Variants in NPAS3 observed in about 807,000 individuals in gnomAD.
The protein encoded by NPAS3 is neuronal PAS domain protein 3.
A neutral mutation model predicts 73.1 loss-of-function variants in NPAS3; 14 were observed. The ratio of observed to expected loss-of-function variants is 0.19; its 90% CI spans 0.13 to 0.30. The LOEUF is 0.30. Ranked by LOEUF, NPAS3 falls within the 10% of genes least tolerant of loss-of-function variation. NPAS3 has a pLI of 1.00. For missense variants in NPAS3, 1,096 were observed against 1,250.0 expected, an observed-to-expected ratio of 0.88 and a Z score of 1.86; for synonymous variants, 620 against 541.5, an observed-to-expected ratio of 1.14 and a Z score of -2.01.
At chr14:33,501,657 G>A (rs933237016) in intron 4 of NPAS3, among the ~76,000 whole-genome samples, 4 of 149,232 alleles carry the variant, frequency 2.7e-5, no homozygotes, top group Admixed American at 6.7e-5. Flanking sequence ...CTTCAAAAAC[G>A]GCTCCTGTGT....
At chr14:33,572,665 A>G (rs1054161634) in intron 5 of NPAS3, among the ~76,000 whole-genome samples, 4 of 152,188 alleles carry the variant, frequency 2.6e-5, no homozygotes, top group Non-Finnish European at 5.9e-5. Flanking sequence ...ATGTCAAATT[A>G]TTCGTTTTAT....
intron 2 of NPAS3, among the ~76,000 whole-genome samples, chr14:33,197,267 G>GTGTGTGTGTGTGTGTGTGT (rs1555353807): frequency 1.3e-5 from 2 of 148,722 alleles, no homozygotes; most frequent in South Asian, 2.1e-4. Flanking sequence ...GTGTGTGTGT[G>GTGTGTGTGTGTGTGTGTGT]TTCTTTTTCA....
intron 2 of NPAS3, among the ~76,000 whole-genome samples, chr14:33,199,322 T>G (rs1284650621): frequency 6.6e-6 from 1 of 152,226 alleles, no homozygotes; most frequent in Non-Finnish European, 1.5e-5. Flanking sequence ...TTTGAAAAAT[T>G]TCTGATTACG....
intron 2 of NPAS3, among the ~76,000 whole-genome samples, chr14:33,127,279 G>T (rs568413922): frequency 6.6e-6 from 1 of 152,154 alleles, no homozygotes; most frequent in South Asian, 2.1e-4. Context: ...TTCTTATCTA[G>T]TGAAGGACCT....
rs576469945 is a variant in NPAS3, at chr14:33,016,550, G to C, written c.51-39355G>C. On this transcript the variant is annotated intron_variant, in intron 1 of 11. Transcript: ENST00000356141. ...TAAGCATCACACACCAGTTTTCAGAGTACACATGTAAAATATAGAACCATG... is the reference window on the plus strand; with the variant it reads ...TAAGCATCACACACCAGTTTTCAGACTACACATGTAAAATATAGAACCATG... Among the ~76,000 whole-genome samples the C allele has an allele frequency of 9.6e-5, 14 of 146,076 alleles. No individual in the cohort carries two copies. The South Asian group carries it at 3.2e-3, about 33-fold the overall frequency.
At chr14:33,394,429 T>C (rs551739569) in intron 4 of NPAS3, among the ~76,000 whole-genome samples, 1 of 152,344 alleles carries the variant, frequency 6.6e-6, no homozygotes, top group South Asian at 2.1e-4. Flanking sequence ...AGGTAAAATA[T>C]AGTGCTTAGC....
At chr14:33,774,362 G>A (rs547518674) in exon 8 of NPAS3, 25 of 1,613,956 alleles carry the variant, frequency 1.5e-5, no homozygotes, top group African/African-American at 1.5e-4. Flanking sequence ...GGCCGGCTAC[G>A]CCTGAGAGTG....
chr14:32,939,295 G>C (rs2035862026), upstream of NPAS3: 1 of 713,550 alleles, frequency 1.4e-6, no homozygotes, highest in Non-Finnish European at 2.5e-6. Context: ...AAAAGTAAGA[G>C]AGGAAAAAAA....
chr14:33,384,748 T>A (rs2046705384), intron 4 of NPAS3, among the ~76,000 whole-genome samples: 1 of 152,224 alleles, frequency 6.6e-6, no homozygotes, highest in Non-Finnish European at 1.5e-5. Context: ...AAACAAATTT[T>A]AAAATCCCAT....
chr14:33,012,599 A>G (rs2039246322), intron 1 of NPAS3, among the ~76,000 whole-genome samples: 1 of 150,386 alleles, frequency 6.6e-6, no homozygotes, highest in African/African-American at 2.5e-5. Flanking sequence ...CCTGGGCTGG[A>G]GTACAGTGGC....
chr14:33,355,795 G>A lies in NPAS3; in HGVS notation c.386-11391G>A, dbSNP rs576012649. 2.6e-5 allele frequency among the ~76,000 whole-genome samples: 4 copies of A among 152,242 alleles called. No homozygotes were observed. In the East Asian group the frequency reaches 7.7e-4, roughly 29 times the overall value. ...TCCACTCAAATATTATAACCTTGGA[G>A]AGGCTTTCCTTGATCTTCCATGGAA... On this transcript the variant is annotated intron_variant, in intron 3 of 11. Coordinates refer to ENST00000356141, the Ensembl canonical transcript of NPAS3.
chr14:33,783,813 C>A (rs550352222), intron 9 of NPAS3, among the ~76,000 whole-genome samples: 1 of 152,276 alleles, frequency 6.6e-6, no homozygotes, highest in African/African-American at 2.4e-5. Context: ...TCAGAATCTG[C>A]AGTTAGCAAG....
intron 3 of NPAS3, among the ~76,000 whole-genome samples, chr14:33,289,510 C>T (rs530834254): frequency 1.3e-5 from 2 of 152,178 alleles, no homozygotes; most frequent in East Asian, 3.9e-4. Flanking sequence ...CTTTTAAAAC[C>T]TGAAAGATGG....
intron 2 of NPAS3, among the ~76,000 whole-genome samples, chr14:33,128,928 C>T (rs1292044087): frequency 6.6e-6 from 1 of 152,086 alleles, no homozygotes; most frequent in Non-Finnish European, 1.5e-5. Flanking sequence ...AGCCATCATC[C>T]TCCATATGCT....
At chr14:33,061,695 C>T (rs1959180) in intron 2 of NPAS3, among the ~76,000 whole-genome samples, 4,870 of 152,230 alleles carry the variant, frequency 0.032, 136 homozygotes, top group Non-Finnish European at 0.041. Flanking sequence ...TCATCACCCA[C>T]GGGTCAGGTG....
intron 7 of NPAS3, among the ~76,000 whole-genome samples, chr14:33,762,512 A>C (rs1216759271): frequency 6.6e-6 from 1 of 152,170 alleles, no homozygotes; most frequent in Admixed American, 6.5e-5. Flanking sequence ...TTTTAGAGTC[A>C]ATCTTCCTGA....
chr14:33,045,571 C>T (rs377569128), intron 1 of NPAS3, among the ~76,000 whole-genome samples: 21 of 152,266 alleles, frequency 1.4e-4, no homozygotes, highest in African/African-American at 4.8e-4. Flanking sequence ...GTTGTATTGA[C>T]ATCTTGCATT....
At chr14:33,746,668 A>G (rs1251786662) in intron 7 of NPAS3, among the ~76,000 whole-genome samples, 1 of 152,168 alleles carries the variant, frequency 6.6e-6, no homozygotes, top group African/African-American at 2.4e-5. Context: ...CTCATTCTGC[A>G]AGAGAAATTA....
chr14:33,717,824 C>T (rs1958059), intron 6 of NPAS3, among the ~76,000 whole-genome samples: 35,053 of 151,888 alleles, frequency 0.23, 4,582 homozygotes, highest in East Asian at 0.43. Flanking sequence ...AAGAGTGCTG[C>T]GACAACTAAA....
Sources: allele counts gnomAD v4.1 joint callset (sites outside exome capture counted in the v4.1 genomes callset), GRCh38; gene constraint gnomAD v4.1.1; transcripts MANE v1.5; gene names NCBI Gene and HGNC (gene_info 2026-07-23, HGNC 2026-07-21).